ERBB4: variants seen among roughly 807,000 people sequenced by gnomAD.
ERBB4 encodes the protein receptor tyrosine-protein kinase erbB-4.
In ERBB4, 42 loss-of-function variants were observed where a neutral mutation model predicts 158.0. The observed-to-expected ratio is 0.27, with a 90% CI of 0.21 to 0.34. The LOEUF is 0.34. ERBB4 is among the 10% of genes least tolerant of loss of function. The pLI is 1.00. For missense variants in ERBB4, 1,333 were observed against 1,624.1 expected (o/e 0.82, Z 3.08); for synonymous variants, 583 against 558.7 (o/e 1.04, Z -0.61).
chr2:211,734,620 T>TAAAAA lies in ERBB4; in HGVS notation c.623-9431_623-9427dup, dbSNP rs34036811. On this transcript the variant is annotated intron_variant, in intron 5 of 27. Coordinates refer to ENST00000342788, the MANE Select transcript of ERBB4 (RefSeq NM_005235.3). ...ATAACTAGGGAAATAGCTGTAGCAT[T>TAAAAA]AAAAAAAAAAAAAAAAAAAGCTGGG... Among the ~76,000 whole-genome samples the TAAAAA allele has an allele frequency of 1.0e-3, 107 of 102,310 alleles. 2 individuals are homozygous for TAAAAA. Among genetic ancestry groups the TAAAAA allele is most frequent in the Non-Finnish European group, 1.3e-3 (69 of 53,442 alleles). The allele number at this position is 102,310 out of a possible 152,430, so 67.1% of individuals were successfully genotyped here. A position where few individuals can be genotyped will look rare whatever the true frequency, so the allele number is the denominator to read the frequency against.
chr2:212,443,388 G>A (rs2092291412), intron 1 of ERBB4, among the ~76,000 whole-genome samples: 1 of 152,146 alleles, frequency 6.6e-6, no homozygotes, highest in Non-Finnish European at 1.5e-5. Context: ...TAAAATTCAG[G>A]GACCTTCCAA....
Position 211,750,836 on chromosome 2 carries a change from G to A in ERBB4, c.557-132C>T. On this transcript the variant is annotated intron_variant, in intron 4 of 27. Transcript: ENST00000342788. ...TATGTCATACTAGAGCTGAAACATA[G>A]CCCATAAAATGCCCACTTAAGTAGG... The A allele has an allele frequency of 9.8e-6, 8 of 813,190 alleles. 1 individual carries two copies. The South Asian group carries it at 1.2e-4, about 12-fold the overall frequency. The allele number at this position is 813,190 out of a possible 1,614,324, so 50.4% of individuals were successfully genotyped here. A position where few individuals can be genotyped will look rare whatever the true frequency, so the allele number is the denominator to read the frequency against.
At chr2:211,998,429 A>G (rs959847977) in intron 2 of ERBB4, among the ~76,000 whole-genome samples, 16 of 151,732 alleles carry the variant, frequency 1.1e-4, no homozygotes, top group African/African-American at 3.9e-4. Context: ...TTTCTGAGAT[A>G]AACACAATTA....
At chr2:212,023,514 A>AT (rs5838294) in intron 2 of ERBB4, among the ~76,000 whole-genome samples, 103,815 of 143,788 alleles carry the variant, frequency 0.72, 39,566 homozygotes, top group East Asian at 0.99. Flanking sequence ...ATACAAGTTA[A>AT]TTTTTTAAAA....
At chr2:211,799,531 T>C (rs1232690339) in intron 3 of ERBB4, among the ~76,000 whole-genome samples, 1 of 152,076 alleles carries the variant, frequency 6.6e-6, no homozygotes, top group Admixed American at 6.6e-5. Flanking sequence ...TATTGAGAAA[T>C]TGATATCTGC....
chr2:212,248,779 G>A (rs923623984), intron 1 of ERBB4, among the ~76,000 whole-genome samples: 8 of 151,730 alleles, frequency 5.3e-5, no homozygotes, highest in Admixed American at 3.9e-4. Flanking sequence ...TTGGCTGACT[G>A]CTGCTGATTC....
At chr2:211,782,118 C>T (rs2076051917) in intron 4 of ERBB4, among the ~76,000 whole-genome samples, 1 of 152,160 alleles carries the variant, frequency 6.6e-6, no homozygotes, top group South Asian at 2.1e-4. Flanking sequence ...ACCTTTTCTC[C>T]ACTCTGACTC....
chr2:211,442,611 AAT>A (rs1026798267), intron 20 of ERBB4, among the ~76,000 whole-genome samples: 1 of 150,082 alleles, frequency 6.7e-6, no homozygotes, highest in Non-Finnish European at 1.5e-5. Context: ...ACAAAGCCAA[AAT>A]ATATATGTGT....
chr2:212,297,021 C>A (rs976108395), intron 1 of ERBB4, among the ~76,000 whole-genome samples: 1 of 151,814 alleles, frequency 6.6e-6, no homozygotes, highest in Admixed American at 6.6e-5. Flanking sequence ...GCTCATAACT[C>A]GAGGTTAAAC....
chr2:211,987,341 A>G (rs74673396), intron 2 of ERBB4, among the ~76,000 whole-genome samples: 6 of 124,432 alleles, frequency 4.8e-5, no homozygotes, highest in East Asian at 2.4e-4. Context: ...AAAAAAAAAA[A>G]AAAGAAAGAA....
intron 25 of ERBB4, among the ~76,000 whole-genome samples, chr2:211,404,040 T>C (rs1173756838): frequency 2.6e-5 from 4 of 152,150 alleles, no homozygotes; most frequent in African/African-American, 9.7e-5. Flanking sequence ...TTTACGTAAT[T>C]ATGTATAATT....
chr2:212,057,332 G>A (rs560916661), intron 2 of ERBB4, among the ~76,000 whole-genome samples: 1 of 152,228 alleles, frequency 6.6e-6, no homozygotes, highest in South Asian at 2.1e-4. Context: ...ATAATAATGG[G>A]AGACTTTAAC....
At chr2:211,969,480 T>C (rs1245561768) in intron 2 of ERBB4, among the ~76,000 whole-genome samples, 1 of 152,086 alleles carries the variant, frequency 6.6e-6, no homozygotes, top group Non-Finnish European at 1.5e-5. Context: ...TAGGTCTTTC[T>C]CCACATAATT....
chr2:211,861,324 C>T (rs1251338988), intron 3 of ERBB4, among the ~76,000 whole-genome samples: 3 of 110,580 alleles, frequency 2.7e-5, no homozygotes, highest in East Asian at 2.8e-4. Flanking sequence ...TCAGTCCAGG[C>T]GTGTTTTTTT....
chr2:212,023,506 A>G (rs1433606854), intron 2 of ERBB4, among the ~76,000 whole-genome samples: 2 of 51,930 alleles, frequency 3.9e-5, no homozygotes, highest in South Asian at 1.5e-3. Flanking sequence ...AAGCGTTTAT[A>G]CAAGTTAATT....
intron 1 of ERBB4, among the ~76,000 whole-genome samples, chr2:212,514,695 C>T (rs1305624382): frequency 6.6e-6 from 1 of 152,112 alleles, no homozygotes; most frequent in Non-Finnish European, 1.5e-5. Flanking sequence ...GTCTCAGCTA[C>T]TCTGGAGGCT....
At chr2:211,649,169 G>T (rs956543591) in intron 16 of ERBB4, among the ~76,000 whole-genome samples, 1 of 151,840 alleles carries the variant, frequency 6.6e-6, no homozygotes, top group Non-Finnish European at 1.5e-5. Context: ...CTACACAGAA[G>T]TAGGCTTAAT....
intron 1 of ERBB4, among the ~76,000 whole-genome samples, chr2:212,531,766 A>G (rs942194897): frequency 5.9e-5 from 9 of 152,228 alleles, no homozygotes; most frequent in Admixed American, 2.0e-4. Flanking sequence ...TAAAAGTGCT[A>G]TTATATACAG....
intron 1 of ERBB4, among the ~76,000 whole-genome samples, chr2:212,243,476 T>G (rs1466614834): frequency 6.6e-6 from 1 of 152,192 alleles, no homozygotes; most frequent in Non-Finnish European, 1.5e-5. Context: ...CTGTAAATTT[T>G]TAGCTTTTTA....
Sources: gnomAD v4.1 joint callset for allele counts (sites outside exome capture counted in the v4.1 genomes callset) on GRCh38, gnomAD v4.1.1 for gene constraint, MANE v1.5 for transcripts, NCBI Gene and HGNC (gene_info 2026-07-23, HGNC 2026-07-21) for gene names.